Variants in SMYD3 observed in about 807,000 individuals in gnomAD.
The protein encoded by SMYD3 is SET and MYND domain containing 3.
SMYD3 carries 36 observed loss-of-function variants against 57.7 expected under a neutral mutation model. The ratio of observed to expected loss-of-function variants is 0.62; its 90% confidence interval spans 0.48 to 0.82. The LOEUF (loss-of-function observed/expected upper bound fraction) is 0.82. Ranked by LOEUF, SMYD3 falls within the 40% of genes least tolerant of loss-of-function variation. The pLI, the probability that SMYD3 is intolerant of heterozygous loss-of-function variation, is 0.00. For missense variants in SMYD3, 515 were observed against 538.8 expected, an observed-to-expected ratio of 0.96 and a Z score of 0.44; for synonymous variants, 211 against 195.0, an observed-to-expected ratio of 1.08 and a Z score of -0.68.
intron 2 of SMYD3, among the ~76,000 whole-genome samples, chr1:246,352,152 A>C (rs1369593953): frequency 6.6e-6 from 1 of 150,750 alleles, no homozygotes; most frequent in Non-Finnish European, 1.5e-5. Flanking sequence ...AAAAAAAAAA[A>C]AAAAAAAAAA....
intron 5 of SMYD3, among the ~76,000 whole-genome samples, chr1:246,160,976 G>A (rs1008816281): frequency 4.6e-5 from 7 of 152,082 alleles, no homozygotes; most frequent in East Asian, 1.9e-4. Context: ...TACTCCTCTC[G>A]CCCTGAACAT....
chr1:246,370,574 CTA>C (rs1255119998), intron 1 of SMYD3, among the ~76,000 whole-genome samples: 1 of 152,152 alleles, frequency 6.6e-6, no homozygotes, highest in African/African-American at 2.4e-5. Context: ...GCAAGGCAAA[CTA>C]TGAGATAATC....
chr1:246,070,739 C>G (rs930842678), intron 5 of SMYD3, among the ~76,000 whole-genome samples: 1 of 152,130 alleles, frequency 6.6e-6, no homozygotes, highest in African/African-American at 2.4e-5. Flanking sequence ...GTGCCCAGTC[C>G]TACTGGAGGA....
intron 5 of SMYD3, among the ~76,000 whole-genome samples, chr1:246,198,730 A>G (rs2062863113): frequency 6.6e-6 from 1 of 152,240 alleles, no homozygotes; most frequent in African/African-American, 2.4e-5. Context: ...TAAAAATGAG[A>G]AATAAATTAC....
At chr1:245,895,082 C>T (rs1434910082) in intron 8 of SMYD3, among the ~76,000 whole-genome samples, 4 of 152,168 alleles carry the variant, frequency 2.6e-5, no homozygotes, top group Admixed American at 6.5e-5. Context: ...TACAGCCCAT[C>T]GTAGCATGCC....
At chr1:246,006,288 G>C (rs2059165850) in intron 5 of SMYD3, among the ~76,000 whole-genome samples, 1 of 147,890 alleles carries the variant, frequency 6.8e-6, no homozygotes. Context: ...GAGTTGGAGG[G>C]ACTGGGATGT....
At chr1:246,446,738 T>C (rs928133297) in intron 1 of SMYD3, among the ~76,000 whole-genome samples, 6 of 152,158 alleles carry the variant, frequency 3.9e-5, no homozygotes, top group South Asian at 2.1e-4. Context: ...AATTTAGAAA[T>C]GGCATCCTAG....
At chr1:245,878,883 G>A (rs1558450575) in intron 8 of SMYD3, among the ~76,000 whole-genome samples, 1 of 152,202 alleles carries the variant, frequency 6.6e-6, no homozygotes, top group East Asian at 1.9e-4. Flanking sequence ...ACAAACATGG[G>A]TTCCGGCAGA....
chr1:246,455,007 G>T (rs533983856), intron 1 of SMYD3, among the ~76,000 whole-genome samples: 1 of 152,258 alleles, frequency 6.6e-6, no homozygotes, highest in South Asian at 2.1e-4. Context: ...TGAAGATGTA[G>T]GGTGATAATT....
At chr1:246,259,242 A>G (rs2063955210) in intron 5 of SMYD3, among the ~76,000 whole-genome samples, 1 of 152,180 alleles carries the variant, frequency 6.6e-6, no homozygotes, top group South Asian at 2.1e-4. Flanking sequence ...CCATTTCTGG[A>G]AAGCTTGTGC....
At chr1:245,765,111 G>A (rs1254092968) in intron 10 of SMYD3, among the ~76,000 whole-genome samples, 5 of 148,464 alleles carry the variant, frequency 3.4e-5, no homozygotes, top group African/African-American at 1.2e-4. Context: ...TTCAGGACAG[G>A]TGCGATGGCT....
At chr1:245,954,510 C>A (rs574166340) in intron 5 of SMYD3, among the ~76,000 whole-genome samples, 2 of 152,236 alleles carry the variant, frequency 1.3e-5, no homozygotes, top group African/African-American at 4.8e-5. Flanking sequence ...CCTGTCTCTA[C>A]AGAAAATGCT....
chr1:246,267,932 C>A (rs1175124213), intron 5 of SMYD3, among the ~76,000 whole-genome samples: 2 of 152,170 alleles, frequency 1.3e-5, no homozygotes, highest in Non-Finnish European at 2.9e-5. Context: ...TCATTTCTGT[C>A]TTTTCCTATG....
At chr1:245,778,272 CT>C (rs1202882926) in intron 10 of SMYD3, among the ~76,000 whole-genome samples, 1 of 152,144 alleles carries the variant, frequency 6.6e-6, no homozygotes, top group Non-Finnish European at 1.5e-5. Flanking sequence ...TTCAGATTTA[CT>C]AGAAAGCCAC....
At chr1:246,171,621 C>T (rs533674750) in intron 5 of SMYD3, among the ~76,000 whole-genome samples, 4 of 152,302 alleles carry the variant, frequency 2.6e-5, no homozygotes, top group Non-Finnish European at 4.4e-5. Context: ...CAAACCTGTA[C>T]AGTATGTTCT....
chr1:246,268,318 T>C (rs986540871), intron 5 of SMYD3, among the ~76,000 whole-genome samples: 5 of 152,146 alleles, frequency 3.3e-5, no homozygotes, highest in Admixed American at 1.3e-4. Flanking sequence ...CATGACAGTT[T>C]ACAAATGCCA....
chr1:246,305,001 C>A (rs1286281670), intron 5 of SMYD3, among the ~76,000 whole-genome samples: 1 of 152,142 alleles, frequency 6.6e-6, no homozygotes, highest in Non-Finnish European at 1.5e-5. Context: ...TGGTCTTACA[C>A]CCTGCAACAG....
intron 10 of SMYD3, among the ~76,000 whole-genome samples, chr1:245,815,814 C>T (rs560218685): frequency 6.6e-5 from 10 of 152,308 alleles, no homozygotes; most frequent in South Asian, 4.2e-4. Flanking sequence ...TGAGAAATTA[C>T]GGGCCTTTGA....
chr1:246,408,524 T>C (rs2066905989), intron 1 of SMYD3, among the ~76,000 whole-genome samples: 1 of 152,140 alleles, frequency 6.6e-6, no homozygotes, highest in South Asian at 2.1e-4. Flanking sequence ...GAGCTACATG[T>C]CCTTAACACC....
Sources: allele counts gnomAD v4.1 joint callset (sites outside exome capture counted in the v4.1 genomes callset), GRCh38; gene constraint gnomAD v4.1.1; transcripts MANE v1.5; gene names NCBI Gene and HGNC (gene_info 2026-07-23, HGNC 2026-07-21).